Variants in CSMD1 observed in about 807,000 individuals in gnomAD.
The protein encoded by CSMD1 is CUB and sushi domain-containing protein 1.
Under a neutral mutation model 417.5 loss-of-function variants are expected in CSMD1, and 213 were observed. That is an observed-to-expected ratio of 0.51 (90% CI 0.46 to 0.57). The LOEUF (loss-of-function observed/expected upper bound fraction) is 0.57. Ranked by LOEUF, CSMD1 falls within the 20% of genes least tolerant of loss-of-function variation. The probability of loss-of-function intolerance (pLI) is 0.00; values close to 1 mark genes in which losing one functional copy is unlikely to be tolerated. For missense variants in CSMD1, 6,923 were observed against 4,529.7 expected (o/e 1.53, Z -15.17); for synonymous variants, 2,862 against 1,736.8 (o/e 1.65, Z -16.11).
chr8:3,086,998 C>A (rs1246638854), intron 49 of CSMD1, 99 bp downstream of exon 49: 6 of 1,106,842 alleles, frequency 5.4e-6, no homozygotes, highest in Non-Finnish European at 7.9e-6. Flanking sequence ...TTTTTCCTTA[C>A]CTTTTATTCT....
chr8:3,581,432 G>T (rs1258758897), intron 9 of CSMD1, among the ~76,000 whole-genome samples: 4 of 152,132 alleles, frequency 2.6e-5, no homozygotes, highest in African/African-American at 7.2e-5. Context: ...GTTGCCCCCC[G>T]TTCTCAGAGC....
intron 3 of CSMD1, among the ~76,000 whole-genome samples, chr8:4,152,805 C>A (rs1262562148): frequency 6.6e-6 from 1 of 152,048 alleles, no homozygotes; most frequent in African/African-American, 2.4e-5. Context: ...AATATACACA[C>A]ATACACGTAT....
intron 3 of CSMD1, among the ~76,000 whole-genome samples, chr8:4,360,750 T>A (rs1166633440): frequency 6.6e-6 from 1 of 152,100 alleles, no homozygotes; most frequent in Non-Finnish European, 1.5e-5. Context: ...TACCTCGGCC[T>A]CCAAAAGTGC....
chr8:4,917,788 G>A (rs910852248), intron 1 of CSMD1, among the ~76,000 whole-genome samples: 10 of 152,174 alleles, frequency 6.6e-5, no homozygotes, highest in Admixed American at 2.6e-4. Flanking sequence ...GCCATAATGT[G>A]AAAAGTGTTG....
chr8:4,089,668 T>G lies in CSMD1; in HGVS notation c.416-57569A>C, dbSNP rs559335440. ...AAGAAATATGTGTTAATGGGCTTAG[T>G]AAAGTGCTTAACATATAGAATGTGC... is the stretch of plus-strand genomic sequence containing the variant. On this transcript the variant is annotated intron_variant, in intron 3 of 69. Coordinates refer to ENST00000635120, the MANE Select transcript of CSMD1 (RefSeq NM_033225.6). 2.6e-5 allele frequency among the ~76,000 whole-genome samples: 4 copies of G among 152,190 alleles called. No individual in the cohort carries two copies. In the East Asian group the frequency reaches 5.8e-4, roughly 22 times the overall value.
intron 4 of CSMD1, among the ~76,000 whole-genome samples, chr8:4,020,131 C>G (rs1160908278): frequency 6.6e-6 from 1 of 152,038 alleles, no homozygotes; most frequent in African/African-American, 2.4e-5. Context: ...CTTTGCTAAC[C>G]ATTTTACCTG....
chr8:4,938,034 G>C (rs182156203), intron 1 of CSMD1, among the ~76,000 whole-genome samples: 11 of 151,980 alleles, frequency 7.2e-5, no homozygotes, highest in African/African-American at 2.2e-4. Context: ...AAAATAGTTA[G>C]AATAATATTA....
At chr8:3,436,843 T>C (rs979656476) in intron 12 of CSMD1, among the ~76,000 whole-genome samples, 3 of 152,184 alleles carry the variant, frequency 2.0e-5, no homozygotes, top group Non-Finnish European at 4.4e-5. Context: ...TATGCTAATA[T>C]GTTATGATTC....
intron 12 of CSMD1, among the ~76,000 whole-genome samples, chr8:3,420,424 A>G (rs1813413035): frequency 1.5e-5 from 2 of 136,470 alleles, no homozygotes; most frequent in Non-Finnish European, 3.2e-5. Flanking sequence ...GGACACTAGG[A>G]AAAAAAAAAA....
intron 5 of CSMD1, among the ~76,000 whole-genome samples, chr8:3,920,197 C>G (rs146731279): frequency 7.9e-4 from 120 of 152,072 alleles, no homozygotes; most frequent in Non-Finnish European, 1.3e-3. Context: ...GCATATCTGG[C>G]TAACTTTTCA....
At position 3,190,024 on chromosome 8, in the gene CSMD1, G is replaced by A. The variant is rs575100847; in HGVS notation, c.5286C>T (p.Ile1762=). The A allele has an allele frequency of 7.5e-6, 12 of 1,595,256 alleles. No individual in the cohort carries two copies. In the South Asian group the frequency reaches 1.4e-4, roughly 18 times the overall value. The change falls in exon 34 of 70, where the codon ATC becomes ATT. Residue 1762 remains isoleucine (I), a synonymous_variant. Coordinates refer to ENST00000635120, the MANE Select transcript of CSMD1 (RefSeq NM_033225.6). ...RIGSEFSAGS[I]VRFECNPGYL... ...ATCCCGGGTTGCACTCGAATCGGAC[G>A]ATGGAGCCGGCAGAAAACTCAGAAC...
chr8:3,807,048 G>C (rs999387244), intron 5 of CSMD1, among the ~76,000 whole-genome samples: 3 of 152,116 alleles, frequency 2.0e-5, no homozygotes, highest in Non-Finnish European at 4.4e-5. Flanking sequence ...TGACTCACAA[G>C]TCTGGTAGCT....
intron 3 of CSMD1, among the ~76,000 whole-genome samples, chr8:4,317,919 G>A (rs1306422319): frequency 6.6e-6 from 1 of 152,192 alleles, no homozygotes; most frequent in Non-Finnish European, 1.5e-5. Flanking sequence ...AGAACAAAAT[G>A]TCAAGAATGA....
intron 5 of CSMD1, among the ~76,000 whole-genome samples, chr8:3,762,601 C>T (rs10093538): frequency 0.25 from 37,493 of 152,200 alleles, 4,759 homozygotes; most frequent in East Asian, 0.4. Context: ...ATGGGAAGCC[C>T]ATGACTTGGC....
intron 3 of CSMD1, among the ~76,000 whole-genome samples, chr8:4,309,532 A>T (rs1313152212): frequency 6.6e-6 from 1 of 152,148 alleles, no homozygotes; most frequent in Non-Finnish European, 1.5e-5. Context: ...TGTAACACAG[A>T]CAAAGTATAA....
intron 52 of CSMD1, among the ~76,000 whole-genome samples, chr8:3,005,398 C>T (rs539432165): frequency 2.0e-5 from 3 of 152,240 alleles, no homozygotes; most frequent in South Asian, 4.1e-4. Flanking sequence ...TAGAAAAAGA[C>T]GGAATCCTCC....
At chr8:4,064,488 G>A (rs144761995) in intron 3 of CSMD1, among the ~76,000 whole-genome samples, 260 of 152,322 alleles carry the variant, frequency 1.7e-3, no homozygotes, top group African/African-American at 5.9e-3. Context: ...AGAGCTGCAT[G>A]TGCCTGCAAA....
intron 1 of CSMD1, among the ~76,000 whole-genome samples, chr8:4,803,462 G>A (rs1404619149): frequency 1.3e-5 from 2 of 152,162 alleles, no homozygotes; most frequent in African/African-American, 4.8e-5. Flanking sequence ...GATAGGAGAG[G>A]AGGGTTAGGG....
At chr8:4,113,243 A>T (rs1801953388) in intron 3 of CSMD1, among the ~76,000 whole-genome samples, 1 of 152,128 alleles carries the variant, frequency 6.6e-6, no homozygotes, top group Admixed American at 6.5e-5. Context: ...GTTCAATTGA[A>T]AGAAAGGACT....
Sources: allele counts gnomAD v4.1 joint callset (sites outside exome capture counted in the v4.1 genomes callset), GRCh38; gene constraint gnomAD v4.1.1; transcripts MANE v1.5; gene names NCBI Gene and HGNC (gene_info 2026-07-23, HGNC 2026-07-21).